The following KIAA1217 variants were observed in gnomAD, a reference collection of about 807,000 sequenced individuals.
KIAA1217 encodes KIAA1217, also known as sickle tail protein homolog.
A neutral mutation model predicts 163.9 loss-of-function variants in KIAA1217; 88 were observed. That is an observed-to-expected ratio of 0.54 (90% CI 0.45 to 0.64). The LOEUF is 0.64. KIAA1217 is among the 30% of genes least tolerant of loss of function. KIAA1217 has a pLI of 0.00. For synonymous variants in KIAA1217, 903 were observed against 923.1 expected (o/e 0.98, Z 0.39); for missense variants, 2,372 against 2,475.0 (o/e 0.96, Z 0.88).
At chr10:24,040,654 A>G (rs935302593) in intron 2 of KIAA1217, among the ~76,000 whole-genome samples, 1 of 152,204 alleles carries the variant, frequency 6.6e-6, no homozygotes, top group Non-Finnish European at 1.5e-5. Flanking sequence ...TTCTCATAAT[A>G]TTAAGGGTTT....
At chr10:24,012,331 T>C (rs928365752) in intron 2 of KIAA1217, among the ~76,000 whole-genome samples, 2 of 152,096 alleles carry the variant, frequency 1.3e-5, no homozygotes, top group African/African-American at 2.4e-5. Context: ...AACCTCACAA[T>C]TTGAAGCCCA....
intron 2 of KIAA1217, among the ~76,000 whole-genome samples, chr10:24,043,802 A>G (rs1170281157): frequency 1.3e-5 from 2 of 152,168 alleles, no homozygotes; most frequent in African/African-American, 4.8e-5. Flanking sequence ...TGCTTATTCC[A>G]AAGATTTATT....
At chr10:24,227,685 A>T (rs1433389632) in intron 2 of KIAA1217, among the ~76,000 whole-genome samples, 1 of 151,906 alleles carries the variant, frequency 6.6e-6, no homozygotes, top group Non-Finnish European at 1.5e-5. Context: ...GGCGCCCGCC[A>T]CCATGCCCGG....
intron 10 of KIAA1217, 92 bp downstream of exon 10, chr10:24,513,526 G>A (rs949436653): frequency 3.1e-6 from 4 of 1,275,198 alleles, no homozygotes; most frequent in Non-Finnish European, 4.4e-6. Context: ...TGGTGGTCTT[G>A]CCCTCTCTTT....
intron 1 of KIAA1217, among the ~76,000 whole-genome samples, chr10:23,802,208 T>C (rs1335765862): frequency 6.6e-6 from 1 of 152,174 alleles, no homozygotes; most frequent in Non-Finnish European, 1.5e-5. Context: ...GGCCCTTTCA[T>C]GAAAGTTGAG....
At chr10:24,484,224 CATATAT>C in intron 6 of KIAA1217, among the ~76,000 whole-genome samples, 1 of 90,544 alleles carries the variant, frequency 1.1e-5, no homozygotes, top group Non-Finnish European at 2.1e-5. Flanking sequence ...GATAGATATA[CATATAT>C]ATATATATAT....
At chr10:23,737,984 G>T (rs1249136146) in intron 1 of KIAA1217, among the ~76,000 whole-genome samples, 1 of 151,758 alleles carries the variant, frequency 6.6e-6, no homozygotes, top group Non-Finnish European at 1.5e-5. Flanking sequence ...TTGCAGGGAT[G>T]ATCATTAAAC....
At chr10:24,237,018 C>T (rs1026159121) in intron 2 of KIAA1217, among the ~76,000 whole-genome samples, 2 of 152,188 alleles carry the variant, frequency 1.3e-5, no homozygotes, top group Non-Finnish European at 2.9e-5. Flanking sequence ...CTTATTTGCT[C>T]TCCAAGTCAA....
intron 2 of KIAA1217, among the ~76,000 whole-genome samples, chr10:24,266,952 A>G (rs2076296564): frequency 6.6e-6 from 1 of 152,176 alleles, no homozygotes. Flanking sequence ...GAAGGTCCGC[A>G]GCTTCATTCT....
chr10:23,710,214 G>A (rs891924276), intron 1 of KIAA1217, among the ~76,000 whole-genome samples: 1 of 152,116 alleles, frequency 6.6e-6, no homozygotes, highest in South Asian at 2.1e-4. Context: ...TCCCTGAGCT[G>A]CATTACAATT....
At chr10:23,711,663 G>A (rs1181045934) in intron 1 of KIAA1217, among the ~76,000 whole-genome samples, 2 of 152,174 alleles carry the variant, frequency 1.3e-5, no homozygotes, top group African/African-American at 4.8e-5. Context: ...ATACAAAGGA[G>A]AACCTTCTGG....
intron 1 of KIAA1217, among the ~76,000 whole-genome samples, chr10:23,725,491 T>C (rs1838086962): frequency 6.6e-6 from 1 of 152,216 alleles, no homozygotes; most frequent in Non-Finnish European, 1.5e-5. Flanking sequence ...TGCTGATTCA[T>C]GTGAAATTTC....
intron 4 of KIAA1217, among the ~76,000 whole-genome samples, chr10:24,434,359 A>G (rs1301744146): frequency 6.6e-6 from 1 of 151,866 alleles, no homozygotes; most frequent in Admixed American, 6.6e-5. Flanking sequence ...TTTTTTGAAG[A>G]CAGGGTCTTG....
chr10:24,246,098 C>G (rs865859758), intron 2 of KIAA1217, among the ~76,000 whole-genome samples: 1 of 152,140 alleles, frequency 6.6e-6, no homozygotes, highest in Non-Finnish European at 1.5e-5. Context: ...TTATTATTTG[C>G]ATCCTTTTTT....
chr10:24,048,685 A>AT (rs1849234374), intron 2 of KIAA1217, among the ~76,000 whole-genome samples: 1 of 149,030 alleles, frequency 6.7e-6, no homozygotes, highest in Admixed American at 6.7e-5. Context: ...AGCCAAGATC[A>AT]TACCCCTGCA....
In KIAA1217 at chr10:24,089,103, G is replaced by A. The variant is rs1292911095; in HGVS notation, c.-171+81729G>A. Reference sequence around the variant, plus strand: ...CTGCATAAATGTCTTCTTTTGAGAAGTGTCTGTTCATATCCTTCGCCCAGT... The same window carrying A: ...CTGCATAAATGTCTTCTTTTGAGAAATGTCTGTTCATATCCTTCGCCCAGT... On this transcript the variant is annotated intron_variant, in intron 2 of 18. Transcript: ENST00000376462. 1.3e-4 allele frequency among the ~76,000 whole-genome samples: 16 copies of A among 125,344 alleles called. 3 individuals are homozygous for A. Among genetic ancestry groups the A allele is most frequent in the Admixed American group, 5.4e-4 (7 of 13,020 alleles). 82.2% of individuals were successfully genotyped at this position (125,344 alleles called of 152,430 possible).
At chr10:23,703,721 C>G (rs1237146845) in intron 1 of KIAA1217, among the ~76,000 whole-genome samples, 1 of 151,856 alleles carries the variant, frequency 6.6e-6, no homozygotes, top group Non-Finnish European at 1.5e-5. Flanking sequence ...CTTATTCTTT[C>G]TCCTCCTCCT....
At chr10:23,818,351 A>AAAATAT (rs374977941) in intron 1 of KIAA1217, among the ~76,000 whole-genome samples, 4 of 134,894 alleles carry the variant, frequency 3.0e-5, no homozygotes, top group South Asian at 2.3e-4. Context: ...TATATAAAAA[A>AAAATAT]ATATATATAT....
chr10:23,748,412 C>A (rs550594527), intron 1 of KIAA1217, among the ~76,000 whole-genome samples: 32 of 149,856 alleles, frequency 2.1e-4, no homozygotes, highest in African/African-American at 7.7e-4. Flanking sequence ...ACAGCCCCAG[C>A]ACTAGCAGGC....
Sources: allele counts gnomAD v4.1 joint callset (sites outside exome capture counted in the v4.1 genomes callset), GRCh38; gene constraint gnomAD v4.1.1; transcripts MANE v1.5; gene names NCBI Gene and HGNC (gene_info 2026-07-23, HGNC 2026-07-21).